Variants in CTNNA2 observed in about 807,000 individuals in gnomAD.
CTNNA2 encodes the protein catenin alpha 2.
In CTNNA2, 42 loss-of-function variants were observed where a neutral mutation model predicts 101.0. The observed-to-expected ratio is 0.42, with a 90% CI of 0.32 to 0.54. The LOEUF (loss-of-function observed/expected upper bound fraction) is 0.54, where lower values mean the gene tolerates loss of function less well. Among genes scored for constraint, CTNNA2 ranks in the 20% least tolerant of loss-of-function variants. The pLI, the probability that CTNNA2 is intolerant of heterozygous loss-of-function variation, is 0.14. For missense variants in CTNNA2, 871 were observed against 1,223.1 expected, an observed-to-expected ratio of 0.71 and a Z score of 4.29; for synonymous variants, 450 against 456.4, an observed-to-expected ratio of 0.99 and a Z score of 0.18.
chr2:80,566,354 G>T (rs1468617862), intron 12 of CTNNA2, among the ~76,000 whole-genome samples: 2 of 152,128 alleles, frequency 1.3e-5, no homozygotes, highest in Admixed American at 6.6e-5. Flanking sequence ...CACATTCAAG[G>T]TTGAGGGGAT....
intron 10 of CTNNA2, among the ~76,000 whole-genome samples, chr2:80,545,690 C>T (rs541232644): frequency 9.9e-5 from 15 of 152,152 alleles, no homozygotes; most frequent in African/African-American, 1.4e-4. Flanking sequence ...TTTTGAAACC[C>T]GAGGCAAACT....
intron 1 of CTNNA2, among the ~76,000 whole-genome samples, chr2:79,193,728 C>A (rs937775812): frequency 3.3e-5 from 5 of 152,088 alleles, no homozygotes; most frequent in African/African-American, 1.2e-4. Flanking sequence ...ATTCTAGAAG[C>A]AATGTGACTG....
At chr2:79,932,528 T>C (rs532841429) in intron 7 of CTNNA2, among the ~76,000 whole-genome samples, 234 of 152,136 alleles carry the variant, frequency 1.5e-3, no homozygotes, top group African/African-American at 5.3e-3. Flanking sequence ...GCTAGATCAA[T>C]GAAAATACTG....
chr2:79,701,624 G>T (rs1338080047), intron 2 of CTNNA2, among the ~76,000 whole-genome samples: 1 of 152,192 alleles, frequency 6.6e-6, no homozygotes, highest in Non-Finnish European at 1.5e-5. Context: ...TATTGAAGGG[G>T]CCTCAAGCCC....
In CTNNA2 at chr2:80,633,919, G is replaced by T. The variant is rs116582830; in HGVS notation, c.2575-13666G>T. Among the ~76,000 whole-genome samples, 452 of 152,234 alleles carry T rather than the reference G, an allele frequency of 3.0e-3. 5 individuals are homozygous for T. The highest frequency in any genetic ancestry group is 9.9e-3 in the African/African-American group (411 of 41,556). On this transcript the variant is annotated intron_variant, in intron 18 of 18. Coordinates refer to ENST00000402739, the MANE Select transcript of CTNNA2 (RefSeq NM_001282597.3). The stretch of plus-strand genomic sequence containing the variant: ...AGTAAGAGGAAGAAGACATAGATAC[G>T]TATTGCAATTTGGCTGAAGTTTACT...
intron 3 of CTNNA2, among the ~76,000 whole-genome samples, chr2:79,846,896 A>G (rs1258960383): frequency 6.6e-6 from 1 of 152,244 alleles, no homozygotes; most frequent in African/African-American, 2.4e-5. Context: ...AACCAGATCT[A>G]TTTCTTCCAA....
chr2:79,563,161 G>GTGTATATATATATATA (rs1280707294), intron 1 of CTNNA2, among the ~76,000 whole-genome samples: 9 of 78,620 alleles, frequency 1.1e-4, no homozygotes, highest in African/African-American at 4.3e-4. Context: ...ATAAAGATGT[G>GTGTATATATATATATA]TATATATATA....
intron 3 of CTNNA2, among the ~76,000 whole-genome samples, chr2:79,746,878 C>T (rs1024453847): frequency 6.6e-6 from 1 of 152,160 alleles, no homozygotes; most frequent in Non-Finnish European, 1.5e-5. Context: ...TTAATAAAGG[C>T]AGAGACCAGA....
At chr2:79,345,070 G>A (rs1677230659) in intron 3 of CTNNA2, among the ~76,000 whole-genome samples, 1 of 145,634 alleles carries the variant, frequency 6.9e-6, no homozygotes, top group African/African-American at 2.5e-5. Context: ...GAGCTGATTT[G>A]TTGTTGTTAA....
intron 7 of CTNNA2, among the ~76,000 whole-genome samples, chr2:80,308,257 A>G (rs1233477781): frequency 2.6e-5 from 4 of 152,214 alleles, no homozygotes; most frequent in Admixed American, 1.3e-4. Context: ...AAGTGCAGAA[A>G]GTCTGAAATG....
intron 7 of CTNNA2, chr2:80,030,383 G>A (rs1232301014): frequency 6.6e-6 from 1 of 152,118 alleles, no homozygotes; most frequent in Admixed American, 6.6e-5. Flanking sequence ...CAGCAAAGGA[G>A]AACTCAAATT....
chr2:80,648,775 T>A lies in CTNNA2; in HGVS notation c.*903T>A, dbSNP rs1330361807. The A allele has an allele frequency of 6.6e-6, 1 of 152,140 alleles. No homozygotes were observed. The highest frequency in any genetic ancestry group is 2.4e-5 in the African/African-American group (1 of 41,452). The allele number at this position is 152,140 out of a possible 1,614,324, so 9.4% of individuals were successfully genotyped here. Reference sequence around the variant, plus strand: ...ACTAACTCAAAATAAACACATTTAATCTTGACATCTCAAGTATGTTTTCTT... The same window carrying A: ...ACTAACTCAAAATAAACACATTTAAACTTGACATCTCAAGTATGTTTTCTT... On this transcript the variant is annotated 3_prime_UTR_variant, in exon 19 of 19. Transcript: ENST00000402739.
chr2:80,466,849 G>A (rs1230529440), intron 9 of CTNNA2, among the ~76,000 whole-genome samples: 1 of 152,164 alleles, frequency 6.6e-6, no homozygotes, highest in Non-Finnish European at 1.5e-5. Flanking sequence ...GATAACAAGA[G>A]GGCTACATTT....
intron 3 of CTNNA2, among the ~76,000 whole-genome samples, chr2:79,818,270 A>G (rs1001510878): frequency 1.3e-5 from 2 of 151,994 alleles, no homozygotes; most frequent in Non-Finnish European, 2.9e-5. Flanking sequence ...TAATTAGCAT[A>G]TTTGTTGTTT....
chr2:79,246,719 T>G (rs1674705479), intron 2 of CTNNA2, among the ~76,000 whole-genome samples: 1 of 152,230 alleles, frequency 6.6e-6, no homozygotes, highest in African/African-American at 2.4e-5. Context: ...CCACACTAAG[T>G]GTGATGATGA....
intron 2 of CTNNA2, among the ~76,000 whole-genome samples, chr2:79,309,369 A>G (rs1676316361): frequency 6.6e-6 from 1 of 152,182 alleles, no homozygotes; most frequent in South Asian, 2.1e-4. Flanking sequence ...AAAAATCTCA[A>G]TTGGCTTTAT....
chr2:80,129,001 T>C (rs1388960093), intron 7 of CTNNA2, among the ~76,000 whole-genome samples: 2 of 152,230 alleles, frequency 1.3e-5, no homozygotes, highest in Non-Finnish European at 2.9e-5. Flanking sequence ...CATCATATGA[T>C]CTACACTTCA....
intron 5 of CTNNA2, among the ~76,000 whole-genome samples, chr2:79,506,373 T>C (rs1671414313): frequency 6.6e-6 from 1 of 152,040 alleles, no homozygotes; most frequent in Admixed American, 6.6e-5. Context: ...AGTTGACTTA[T>C]ACAAAGGAAT....
chr2:79,922,018 T>C (rs539889657), intron 7 of CTNNA2, among the ~76,000 whole-genome samples: 1 of 152,312 alleles, frequency 6.6e-6, no homozygotes, highest in South Asian at 2.1e-4. Context: ...AGGATTCTCC[T>C]GCCTCCAGTC....
Sources: gnomAD v4.1 joint callset for allele counts (sites outside exome capture counted in the v4.1 genomes callset) on GRCh38, gnomAD v4.1.1 for gene constraint, MANE v1.5 for transcripts, NCBI Gene and HGNC (gene_info 2026-07-23, HGNC 2026-07-21) for gene names.